Variants in NUP155 observed in about 807,000 individuals in gnomAD.
NUP155 encodes nuclear pore complex protein Nup155.
In NUP155, 71 loss-of-function variants were observed where a neutral mutation model predicts 180.4. That is an observed-to-expected ratio of 0.39 (90% confidence interval 0.33 to 0.48). The LOEUF (loss-of-function observed/expected upper bound fraction) is 0.48. Ranked by LOEUF, NUP155 falls within the 20% of genes least tolerant of loss-of-function variation. NUP155 has a pLI of 0.91. For missense variants in NUP155, 1,553 were observed against 1,648.9 expected, an observed-to-expected ratio of 0.94 and a Z score of 1.01; for synonymous variants, 582 against 559.5, an observed-to-expected ratio of 1.04 and a Z score of -0.57.
intron 19 of NUP155, 66 bp downstream of exon 19, chr5:37,325,835 C>T (rs1033102249): frequency 1.2e-6 from 1 of 834,696 alleles, no homozygotes; most frequent in South Asian, 1.5e-5. Context: ...AAATGTGAAA[C>T]AATCTAACCA....
At chr5:37,293,171 A>C in intron 33 of NUP155, 186 bp from the exon 34 acceptor site, 2 of 556,812 alleles carry the variant, frequency 3.6e-6, no homozygotes, top group South Asian at 2.2e-5. Flanking sequence ...TTAAAAACTT[A>C]TTAATTAACA....
At chr5:37,355,357 A>T (rs919480882) in intron 4 of NUP155, among the ~76,000 whole-genome samples, 2 of 151,476 alleles carry the variant, frequency 1.3e-5, no homozygotes, top group Non-Finnish European at 2.9e-5. Flanking sequence ...AAAATACAAA[A>T]ATTAGCCGGG....
chr5:37,304,181 C>T (rs1274530839), intron 27 of NUP155, among the ~76,000 whole-genome samples: 1 of 128,532 alleles, frequency 7.8e-6, no homozygotes, highest in African/African-American at 3.0e-5. Flanking sequence ...ACCCGGGAGG[C>T]GGAGGTTGCA....
At chr5:37,339,498 CATGCCT>C (rs1291184379) in intron 11 of NUP155, among the ~76,000 whole-genome samples, 6 of 151,970 alleles carry the variant, frequency 3.9e-5, no homozygotes, top group Non-Finnish European at 7.4e-5. Context: ...AGTGGTGGCA[CATGCCT>C]GTAGTCCCAA....
At chr5:37,332,028 T>G (rs1399169290) in intron 13 of NUP155, among the ~76,000 whole-genome samples, 1 of 152,112 alleles carries the variant, frequency 6.6e-6, no homozygotes, top group African/African-American at 2.4e-5. Flanking sequence ...GATCATCTAC[T>G]TCTCTACTCA....
intron 3 of NUP155, among the ~76,000 whole-genome samples, chr5:37,362,267 G>A (rs1747271806): frequency 6.6e-6 from 1 of 151,870 alleles, no homozygotes; most frequent in African/African-American, 2.4e-5. Flanking sequence ...GGATGTTAAT[G>A]GAAATGTAAA....
intron 22 of NUP155, among the ~76,000 whole-genome samples, chr5:37,311,495 A>C (rs917641617): frequency 1.3e-5 from 2 of 152,152 alleles, no homozygotes; most frequent in Non-Finnish European, 2.9e-5. Context: ...AAAATAAAAA[A>C]CAGTATGTAT....
Position 37,328,346 on chromosome 5 carries a change from GA to G in NUP155, c.1876+11del. The stretch of plus-strand genomic sequence containing the variant: ...CAAAATGAATCCAATCCAAAACAAA[GA>G]AAAGAGGTACCATGAGACGGTGTTC... On this transcript the variant is annotated intron_variant, in intron 17 of 34. Coordinates refer to ENST00000231498, the MANE Select transcript of NUP155 (RefSeq NM_153485.3). 1 of 1,592,976 alleles carries G rather than the reference GA, an allele frequency of 6.3e-7. No homozygotes were observed. The highest frequency in any genetic ancestry group is 8.6e-7 in the Non-Finnish European group (1 of 1,161,132).
intron 8 of NUP155, among the ~76,000 whole-genome samples, chr5:37,348,967 A>G (rs560597205): frequency 6.6e-6 from 1 of 151,766 alleles, no homozygotes; most frequent in South Asian, 2.1e-4. Flanking sequence ...TGTTGGCTAG[A>G]CTGGTCTCAA....
intron 1 of NUP155, among the ~76,000 whole-genome samples, chr5:37,369,375 T>A (rs1384067702): frequency 6.6e-6 from 1 of 152,230 alleles, no homozygotes; most frequent in East Asian, 1.9e-4. Context: ...GATAAAATCC[T>A]GAGGAAATCC....
At chr5:37,349,273 GA>G in intron 7 of NUP155, 28 bp from the exon 8 acceptor site, 3 of 698,834 alleles carry the variant, frequency 4.3e-6, no homozygotes, top group Non-Finnish European at 6.9e-6. Flanking sequence ...AAAAAAAAGA[GA>G]AAAAAGTAAA....
intron 11 of NUP155, among the ~76,000 whole-genome samples, chr5:37,338,581 ATT>A: frequency 6.6e-6 from 1 of 151,810 alleles, no homozygotes; most frequent in East Asian, 2.0e-4. Flanking sequence ...AATTTTTTGT[ATT>A]TTTAGTAGAG....
At chr5:37,365,406 C>T (rs1430960768) in intron 1 of NUP155, among the ~76,000 whole-genome samples, 1 of 151,480 alleles carries the variant, frequency 6.6e-6, no homozygotes, top group African/African-American at 2.4e-5. Context: ...ACATCTCATG[C>T]ACCACATAAA....
At chr5:37,328,079 T>A (rs959972926) in intron 17 of NUP155, among the ~76,000 whole-genome samples, 1 of 152,224 alleles carries the variant, frequency 6.6e-6, no homozygotes, top group African/African-American at 2.4e-5. Flanking sequence ...GTACTGCTTG[T>A]AATGCTGACA....
chr5:37,317,876 C>T, intron 21 of NUP155, 112 bp downstream of exon 21: 1 of 769,496 alleles, frequency 1.3e-6, no homozygotes, highest in Non-Finnish European at 2.4e-6. Context: ...ATTTTAATTA[C>T]AAATATTTGT....
chr5:37,357,936 T>C (rs1746951033), intron 4 of NUP155, 145 bp downstream of exon 4: 1 of 627,948 alleles, frequency 1.6e-6, no homozygotes, highest in East Asian at 3.1e-5. Context: ...GAGATTGCAG[T>C]GAGCCAAGAT....
chr5:37,321,926 G>A (rs987527628), intron 20 of NUP155, among the ~76,000 whole-genome samples: 7 of 152,088 alleles, frequency 4.6e-5, no homozygotes, highest in African/African-American at 1.7e-4. Context: ...CACGATCTGG[G>A]CTCACCGCAA....
chr5:37,314,819 G>A (rs1018227600), intron 21 of NUP155, among the ~76,000 whole-genome samples: 1 of 152,012 alleles, frequency 6.6e-6, no homozygotes, highest in Non-Finnish European at 1.5e-5. Context: ...AAATAAAAGA[G>A]AGACAAAAAA....
At chr5:37,302,696 A>G in intron 29 of NUP155, 83 bp downstream of exon 29, 1 of 1,395,532 alleles carries the variant, frequency 7.2e-7, no homozygotes, top group Non-Finnish European at 1.0e-6. Context: ...CAGACCTATT[A>G]CTTACCAAGG....
Sources: allele counts gnomAD v4.1 joint callset (sites outside exome capture counted in the v4.1 genomes callset), GRCh38; gene constraint gnomAD v4.1.1; transcripts MANE v1.5; gene names NCBI Gene and HGNC (gene_info 2026-07-23, HGNC 2026-07-21).